TMPRSS9: variants seen among roughly 807,000 people sequenced by gnomAD.
TMPRSS9 encodes transmembrane protease serine 9.
A neutral mutation model predicts 111.4 loss-of-function variants in TMPRSS9; 113 were observed. The observed-to-expected ratio is 1.01, with a 90% CI of 0.87 to 1.19. The LOEUF is 1.19. Among genes scored for constraint, TMPRSS9 ranks in the 50% most tolerant of loss-of-function variants. TMPRSS9 has a pLI of 0.00. For missense variants in TMPRSS9, 1,803 were observed against 1,513.1 expected (o/e 1.19, Z -3.18); for synonymous variants, 805 against 659.1 (o/e 1.22, Z -3.39).
At chr19:2,366,201 G>T (rs1243905997) in intron 1 of TMPRSS9, among the ~76,000 whole-genome samples, 3 of 151,970 alleles carry the variant, frequency 2.0e-5, no homozygotes, top group South Asian at 2.1e-4. Flanking sequence ...TAAAAAATTA[G>T]CCGGGTGTGG....
chr19:2,403,580 G>T (rs560964988), intron 6 of TMPRSS9, among the ~76,000 whole-genome samples: 4 of 152,134 alleles, frequency 2.6e-5, no homozygotes, highest in African/African-American at 9.6e-5. Flanking sequence ...AGATTAGCAG[G>T]GTGCGGTGGC....
chr19:2,424,394 C>T, intron 15 of TMPRSS9, 137 bp downstream of exon 16: 2 of 956,306 alleles, frequency 2.1e-6, no homozygotes, highest in Non-Finnish European at 2.7e-6. Context: ...TGCCCCAGGC[C>T]ACTCCTCCCA....
chr19:2,392,599 G>C (rs564871696), intron 1 of TMPRSS9, among the ~76,000 whole-genome samples: 29 of 152,298 alleles, frequency 1.9e-4, no homozygotes, highest in Non-Finnish European at 3.7e-4. Flanking sequence ...CCTGAGTCGA[G>C]TGGGGACTTG....
intron 8 of TMPRSS9, among the ~76,000 whole-genome samples, chr19:2,409,502 T>C (rs934204849): frequency 5.3e-5 from 8 of 152,082 alleles, no homozygotes; most frequent in African/African-American, 1.9e-4. Flanking sequence ...GGCCAGTGGC[T>C]ACTATATTGG....
At chr19:2,389,690 C>A (rs964066761), upstream of TMPRSS9, 6 of 1,459,872 alleles carry the variant, frequency 4.1e-6, no homozygotes, top group African/African-American at 7.0e-5. Flanking sequence ...ATAGTTGCAA[C>A]CCTTGCTTAT....
chr19:2,415,740 G>C, exon 11 of TMPRSS9: 1 of 1,610,444 alleles, frequency 6.2e-7, no homozygotes, highest in South Asian at 1.1e-5. Flanking sequence ...CCTCCGGGGA[G>C]GTGCCCTGGC....
At chr19:2,366,655 A>T (rs1970249745) in intron 1 of TMPRSS9, among the ~76,000 whole-genome samples, 1 of 151,706 alleles carries the variant, frequency 6.6e-6, no homozygotes, top group Non-Finnish European at 1.5e-5. Flanking sequence ...CAGGAGATCA[A>T]GACCATCCTG....
In TMPRSS9 at chr19:2,417,957, T is replaced by C. The variant is rs532870332; in HGVS notation, c.2018-45T>C. Reference sequence around the variant, plus strand: ...TATCGGAGCGGAACTGGAGCTGCTCTGATGATCACTGTGCACGTGGCCTTT... The same window carrying C: ...TATCGGAGCGGAACTGGAGCTGCTCCGATGATCACTGTGCACGTGGCCTTT... On this transcript the variant is annotated intron_variant, in intron 12 of 17. Coordinates refer to ENST00000648592, the Ensembl canonical transcript of TMPRSS9. 7 of 1,609,378 alleles carry C rather than the reference T, an allele frequency of 4.3e-6. No individual in the cohort carries two copies. The East Asian group carries it at 1.6e-4, about 36-fold the overall frequency.
At position 2,414,325 on chromosome 19, in the gene TMPRSS9, C is replaced by T. The variant is rs539214721; in HGVS notation, c.1573+307C>T. 1.2e-3 allele frequency: 243 copies of T among 207,826 alleles called. 1 individual carries two copies. The highest frequency in any genetic ancestry group is 5.3e-3 in the African/African-American group (232 of 43,672). The allele number at this position is 207,826 out of a possible 1,614,324, so 12.9% of individuals were successfully genotyped here. The stretch of plus-strand genomic sequence containing the variant: ...CGTGATCTCGGCTCACTGCAACCTC[C>T]GCCTCCCAGGTTCAAGTGATTCTCC... On this transcript the variant is annotated intron_variant, in intron 10 of 17. Coordinates refer to ENST00000648592, the Ensembl canonical transcript of TMPRSS9.
At chr19:2,383,877 A>G (rs1213699594) in intron 1 of TMPRSS9, among the ~76,000 whole-genome samples, 2 of 152,000 alleles carry the variant, frequency 1.3e-5, no homozygotes, top group Non-Finnish European at 2.9e-5. Context: ...AGCTAGAATA[A>G]TGTTTGACCA....
chr19:2,403,016 AT>A, intron 5 of TMPRSS9, 65 bp from the exon 7 acceptor site: 1 of 1,150,128 alleles, frequency 8.7e-7, no homozygotes, highest in Non-Finnish European at 1.3e-6. Flanking sequence ...TAAGTATAGC[AT>A]GGTGCCTTAC....
intron 2 of TMPRSS9, 104 bp downstream of exon 3, chr19:2,396,770 G>A (rs1326549757): frequency 1.4e-5 from 21 of 1,450,120 alleles, no homozygotes; most frequent in East Asian, 4.8e-5. Context: ...CACAGGCAAC[G>A]AAGCTGAGGT....
chr19:2,425,059 G>A (rs1235839091), exon 16 of TMPRSS9: 3 of 1,568,672 alleles, frequency 1.9e-6, no homozygotes, highest in Admixed American at 1.8e-5. Context: ...TGAGCGGCGC[G>A]GAGGGGCAGC....
chr19:2,421,295 A>AT (rs199810368), intron 13 of TMPRSS9, among the ~76,000 whole-genome samples: 11,825 of 146,358 alleles, frequency 0.081, 666 homozygotes, highest in East Asian at 0.26. Flanking sequence ...TTATTTATTT[A>AT]TTTTTTTTTT....
rs1342507599 is a variant in TMPRSS9, at chr19:2,417,994, C to T, written c.2018-8C>T. 2 of 1,611,638 alleles carry T rather than the reference C, an allele frequency of 1.2e-6. No homozygotes were observed. Among genetic ancestry groups the T allele is most frequent in the Admixed American group, 1.7e-5 (1 of 59,926 alleles). On this transcript the variant is annotated splice_polypyrimidine_tract_variant and splice_region_variant and intron_variant, in intron 12 of 17. Coordinates refer to ENST00000648592, the Ensembl canonical transcript of TMPRSS9. Reference sequence around the variant, plus strand: ...TGCACGTGGCCTTTCTGGCTCTTTCCCTGGTAGCCACCAAGCCCGAGCTCC... The same window carrying T: ...TGCACGTGGCCTTTCTGGCTCTTTCTCTGGTAGCCACCAAGCCCGAGCTCC...
At chr19:2,366,175 G>T (rs1385332815) in intron 1 of TMPRSS9, among the ~76,000 whole-genome samples, 4 of 151,928 alleles carry the variant, frequency 2.6e-5, no homozygotes, top group African/African-American at 9.7e-5. Context: ...GTGAGACCCT[G>T]TCTCTACCAA....
At chr19:2,370,638 G>T (rs1213094909) in intron 1 of TMPRSS9, among the ~76,000 whole-genome samples, 2 of 152,020 alleles carry the variant, frequency 1.3e-5, no homozygotes, top group Admixed American at 6.6e-5. Flanking sequence ...CAGAAACTTG[G>T]GTTTAAAATG....
intron 2 of TMPRSS9, among the ~76,000 whole-genome samples, chr19:2,397,300 T>A (rs530132417): frequency 6.6e-6 from 1 of 152,024 alleles, no homozygotes; most frequent in African/African-American, 2.4e-5. Flanking sequence ...TATTTTATTT[T>A]ATTTTTTTGA....
At chr19:2,416,334 T>C (rs1971229748) in intron 11 of TMPRSS9, 10 of 648,998 alleles carry the variant, frequency 1.5e-5, no homozygotes, top group African/African-American at 7.3e-5. Context: ...TTGTCCGAGG[T>C]CCCCCAGCTT....
Sources: allele counts gnomAD v4.1 joint callset (sites outside exome capture counted in the v4.1 genomes callset), GRCh38; gene constraint gnomAD v4.1.1; transcripts MANE v1.5; gene names NCBI Gene and HGNC (gene_info 2026-07-23, HGNC 2026-07-21).